The following ARHGAP31 variants were observed in gnomAD, a reference collection of about 807,000 sequenced individuals.
ARHGAP31 encodes the protein rho GTPase-activating protein 31.
ARHGAP31 carries 34 observed loss-of-function variants against 113.9 expected under a neutral mutation model. The observed-to-expected ratio is 0.30, with a 90% confidence interval of 0.23 to 0.40. The LOEUF is 0.40. Ranked by LOEUF, ARHGAP31 falls within the 10% of genes least tolerant of loss-of-function variation. The pLI, the probability that ARHGAP31 is intolerant of heterozygous loss-of-function variation, is 1.00. For missense variants in ARHGAP31, 1,548 were observed against 1,767.1 expected (o/e 0.88, Z 2.22); for synonymous variants, 650 against 684.8 (o/e 0.95, Z 0.79).
At chr3:119,377,690 C>T (rs1479876265) in intron 3 of ARHGAP31, among the ~76,000 whole-genome samples, 1 of 151,660 alleles carries the variant, frequency 6.6e-6, no homozygotes, top group African/African-American at 2.4e-5. Flanking sequence ...CACAGTGGTT[C>T]CTCTGGAGTC....
chr3:119,390,883 A>G lies in ARHGAP31; in HGVS notation c.781A>G (p.Asn261Asp). Reference sequence around the variant, plus strand: ...AGCTCAAGCCCGCAGCCTGGCCACTAACCATCCTGCTCGCAAGGAAAGGAG... The same window carrying G: ...AGCTCAAGCCCGCAGCCTGGCCACTGACCATCCTGCTCGCAAGGAAAGGAG... The part of the protein sequence containing the change: ...EEAQARSLAT[N>D]HPARKERREN... Residue 261 changes from asparagine (N) to aspartate (D), a missense_variant, in exon 7 of 12, where the codon AAC becomes GAC. Coordinates refer to ENST00000264245, the MANE Select transcript of ARHGAP31 (RefSeq NM_020754.4). 1 of 1,614,086 alleles carries G rather than the reference A, an allele frequency of 6.2e-7. No individual in the cohort carries two copies. The highest frequency in any genetic ancestry group is 8.5e-7 in the Non-Finnish European group (1 of 1,180,030).
rs1420680895 is a variant in ARHGAP31, at chr3:119,417,800, G to A, written c.*1536G>A. On this transcript the variant is annotated 3_prime_UTR_variant, in exon 12 of 12. Transcript: ENST00000264245. ...TAATATACCTGCTGGCAGATTTTTG[G>A]TGCTGCCCAAAAAAGGACTTCACAG... 6.6e-6 allele frequency: 1 copy of A among 151,954 alleles called. No homozygotes were observed. The highest frequency in any genetic ancestry group is 1.5e-5 in the Non-Finnish European group (1 of 67,998). 9.4% of individuals were successfully genotyped at this position (151,954 alleles called of 1,614,324 possible). A position where few individuals can be genotyped will look rare whatever the true frequency, so the allele number is the denominator to read the frequency against.
chr3:119,331,722 A>C (rs2079893313), intron 1 of ARHGAP31, among the ~76,000 whole-genome samples: 2 of 152,222 alleles, frequency 1.3e-5, no homozygotes, highest in African/African-American at 4.8e-5. Flanking sequence ...AGATTGATAA[A>C]ATATGATTTA....
At chr3:119,337,522 C>T (rs1016111343) in intron 1 of ARHGAP31, among the ~76,000 whole-genome samples, 1 of 152,194 alleles carries the variant, frequency 6.6e-6, no homozygotes, top group Non-Finnish European at 1.5e-5. Flanking sequence ...AATGATTTGC[C>T]ACTGTGGGTG....
At chr3:119,379,668 A>T (rs1255358392) in intron 3 of ARHGAP31, among the ~76,000 whole-genome samples, 1 of 152,208 alleles carries the variant, frequency 6.6e-6, no homozygotes, top group Non-Finnish European at 1.5e-5. Context: ...GGTAGGAAAT[A>T]CAAGACTAAG....
chr3:119,336,536 A>C (rs1286951384), intron 1 of ARHGAP31, among the ~76,000 whole-genome samples: 1 of 152,350 alleles, frequency 6.6e-6, no homozygotes, highest in African/African-American at 2.4e-5. Context: ...TTAATCACCA[A>C]GCACTGATAA....
chr3:119,309,887 G>C (rs918871905), intron 1 of ARHGAP31, among the ~76,000 whole-genome samples: 2 of 151,828 alleles, frequency 1.3e-5, no homozygotes, highest in African/African-American at 4.8e-5. Context: ...AGAGCACTTT[G>C]AGTTAGGTAA....
At chr3:119,300,034 C>T (rs1397131732) in intron 1 of ARHGAP31, among the ~76,000 whole-genome samples, 1 of 152,216 alleles carries the variant, frequency 6.6e-6, no homozygotes, top group Non-Finnish European at 1.5e-5. Flanking sequence ...CTCCGATCCT[C>T]CTGAGGCAGG....
intron 1 of ARHGAP31, among the ~76,000 whole-genome samples, chr3:119,339,846 C>T (rs776890309): frequency 6.6e-6 from 1 of 152,090 alleles, no homozygotes; most frequent in Non-Finnish European, 1.5e-5. Context: ...TAAGGAAAAT[C>T]CTTGGAATCT....
At chr3:119,342,842 G>T (rs538575605) in intron 1 of ARHGAP31, among the ~76,000 whole-genome samples, 1 of 151,960 alleles carries the variant, frequency 6.6e-6, no homozygotes, top group South Asian at 2.1e-4. Context: ...CCCACTACTC[G>T]GGAGGCTGAG....
intron 1 of ARHGAP31, among the ~76,000 whole-genome samples, chr3:119,315,942 T>C (rs2079726693): frequency 6.6e-6 from 1 of 152,228 alleles, no homozygotes; most frequent in African/African-American, 2.4e-5. Flanking sequence ...CTCATTGTTC[T>C]TCAAAATCCT....
chr3:119,412,359 G>C lies in ARHGAP31; in HGVS notation c.1927-1497G>C, dbSNP rs2080723722. 2.6e-5 allele frequency among the ~76,000 whole-genome samples: 4 copies of C among 151,372 alleles called. No individual in the cohort carries two copies. The South Asian group carries it at 6.3e-4, about 24-fold the overall frequency. Reference sequence around the variant, plus strand: ...GCCGAAATCATGCCACTGCACTCCAGCCTGGGTGACAAAAGTGAAACTCTT... The same window carrying C: ...GCCGAAATCATGCCACTGCACTCCACCCTGGGTGACAAAAGTGAAACTCTT... On this transcript the variant is annotated intron_variant, in intron 11 of 11. Coordinates refer to ENST00000264245, the MANE Select transcript of ARHGAP31 (RefSeq NM_020754.4).
At chr3:119,398,652 A>G (rs1477195454) in intron 8 of ARHGAP31, among the ~76,000 whole-genome samples, 1 of 152,206 alleles carries the variant, frequency 6.6e-6, no homozygotes, top group Non-Finnish European at 1.5e-5. Context: ...TTTTACTGGA[A>G]TCTGTTCAGG....
In ARHGAP31 at chr3:119,409,563, A is replaced by G; in HGVS notation, c.1713A>G (p.Glu571=). 3 of 1,614,212 alleles carry G rather than the reference A, an allele frequency of 1.9e-6. No homozygotes were observed. Among genetic ancestry groups the G allele is most frequent in the Non-Finnish European group, 2.5e-6 (3 of 1,180,030 alleles). The change falls in exon 11 of 12, where the codon GAA becomes GAG. Residue 571 remains glutamate (E), a synonymous_variant. Coordinates refer to ENST00000264245, the MANE Select transcript of ARHGAP31 (RefSeq NM_020754.4). ...TACCTGAAGCACCGGGGACAGTGGAATGCAGCAAAGGCCTGTCCCAGGAGC... is the reference window on the plus strand; with the variant it reads ...TACCTGAAGCACCGGGGACAGTGGAGTGCAGCAAAGGCCTGTCCCAGGAGC... The part of the protein sequence containing the change: ...KAVPEAPGTV[E]CSKGLSQEPG...
rs116482697 is a variant in ARHGAP31 at position 119,388,749 on chromosome 3, G to A, written c.683-2036G>A. On this transcript the variant is annotated intron_variant, in intron 6 of 11. Transcript: ENST00000264245. ...AATAACAACCCCAGGCTTTAGCTTG[G>A]GCACTGGGTGGTCCGTGGTGCCACC... Among the ~76,000 whole-genome samples, 400 of 152,278 alleles carry A rather than the reference G, an allele frequency of 2.6e-3. 2 individuals carry two copies. The highest frequency in any genetic ancestry group is 9.1e-3 in the African/African-American group (380 of 41,548).
At chr3:119,379,775 T>G (rs567298836) in intron 3 of ARHGAP31, among the ~76,000 whole-genome samples, 1 of 152,182 alleles carries the variant, frequency 6.6e-6, no homozygotes, top group African/African-American at 2.4e-5. Flanking sequence ...AAAAAACTCA[T>G]GGAGCTATAG....
At chr3:119,369,200 G>A (rs1371045583) in intron 3 of ARHGAP31, among the ~76,000 whole-genome samples, 1 of 152,188 alleles carries the variant, frequency 6.6e-6, no homozygotes, top group Non-Finnish European at 1.5e-5. Flanking sequence ...GAAAAACATG[G>A]CTTGAACATT....
At chr3:119,314,428 A>G (rs957786483) in intron 1 of ARHGAP31, 1 of 152,228 alleles carries the variant, frequency 6.6e-6, no homozygotes, top group Non-Finnish European at 1.5e-5. Flanking sequence ...ATCCTGGGTC[A>G]TCTCTGTGAG....
chr3:119,308,188 G>GT (rs1553758640), intron 1 of ARHGAP31, among the ~76,000 whole-genome samples: 1 of 152,188 alleles, frequency 6.6e-6, no homozygotes, highest in Non-Finnish European at 1.5e-5. Context: ...TTACAGACAA[G>GT]TAAATGCTGC....
Sources: allele counts gnomAD v4.1 joint callset (sites outside exome capture counted in the v4.1 genomes callset), GRCh38; gene constraint gnomAD v4.1.1; transcripts MANE v1.5; gene names NCBI Gene and HGNC (gene_info 2026-07-23, HGNC 2026-07-21).